STAU2: variants seen among roughly 807,000 people sequenced by gnomAD.
The protein encoded by STAU2 is staufen double-stranded RNA binding protein 2, also known as double-stranded RNA-binding protein Staufen homolog 2.
In STAU2, 20 loss-of-function variants were observed where a neutral mutation model predicts 65.9. The ratio of observed to expected loss-of-function variants is 0.30; its 90% confidence interval spans 0.21 to 0.44. The LOEUF (loss-of-function observed/expected upper bound fraction) is 0.44, where lower values mean the gene tolerates loss of function less well. Ranked by LOEUF, STAU2 falls within the 20% of genes least tolerant of loss-of-function variation. STAU2 has a pLI of 1.00. For synonymous variants in STAU2, 232 were observed against 233.9 expected (o/e 0.99, Z 0.07); for missense variants, 558 against 683.9 (o/e 0.82, Z 2.05).
At chr8:73,571,164 G>A (rs1269681435) in intron 12 of STAU2, among the ~76,000 whole-genome samples, 4 of 152,062 alleles carry the variant, frequency 2.6e-5, no homozygotes, top group African/African-American at 9.7e-5. Flanking sequence ...ATTACATAAT[G>A]GTAAAGGGAT....
intron 12 of STAU2, among the ~76,000 whole-genome samples, chr8:73,557,268 A>G (rs986307447): frequency 6.6e-6 from 1 of 152,198 alleles, no homozygotes; most frequent in East Asian, 1.9e-4. Context: ...CTTCACAAAT[A>G]AAGATTACTT....
At chr8:73,591,892 A>AAAC (rs1306354588) in intron 11 of STAU2, among the ~76,000 whole-genome samples, 1 of 125,674 alleles carries the variant, frequency 8.0e-6, no homozygotes, top group East Asian at 2.0e-4. Flanking sequence ...TAAAAAAAAA[A>AAAC]AAAAAAAAAA....
chr8:73,600,623 T>G lies in STAU2; in HGVS notation c.1029+3103A>C, dbSNP rs181213666. ...AGTCCCTATGTTGCTGCTGGAATCC[T>G]TGCTGGTGAAAAGATTAGGCCAGTT... On this transcript the variant is annotated intron_variant, in intron 10 of 14. Coordinates refer to ENST00000524300, the MANE Select transcript of STAU2 (RefSeq NM_001164380.2). 2.8e-3 allele frequency among the ~76,000 whole-genome samples: 424 copies of G among 152,352 alleles called. 2 individuals carry two copies. The highest frequency in any genetic ancestry group is 0.014 in the Middle Eastern group (4 of 294).
intron 6 of STAU2, among the ~76,000 whole-genome samples, chr8:73,665,910 A>G (rs1039317408): frequency 5.3e-5 from 8 of 152,218 alleles, no homozygotes; most frequent in Non-Finnish European, 8.8e-5. Flanking sequence ...TCTCTAGATT[A>G]CTTATAATAT....
intron 3 of STAU2, among the ~76,000 whole-genome samples, chr8:73,726,458 TATA>T (rs1563532185): frequency 2.0e-5 from 3 of 152,170 alleles, no homozygotes; most frequent in African/African-American, 4.8e-5. Context: ...CATTATTTCT[TATA>T]ATATTTTCTG....
rs1264333175 is a variant in STAU2 at position 73,655,718 on chromosome 8, G to A, written c.410+17389C>T. ...GGCTGGAGTGCAGTGGCGCGATCTC[G>A]GCTCACTGCAAGCTCCACCTCCTGG... On this transcript the variant is annotated intron_variant, in intron 6 of 14. Transcript: ENST00000524300. Among the ~76,000 whole-genome samples, 13 of 138,202 alleles carry A rather than the reference G, an allele frequency of 9.4e-5. 1 individual carries two copies. The highest frequency in any genetic ancestry group is 2.4e-4 in the Admixed American group (3 of 12,366). The allele number at this position is 138,202 out of a possible 152,430, so 90.7% of individuals were successfully genotyped here.
chr8:73,428,079 T>C (rs1816960139), intron 13 of STAU2, among the ~76,000 whole-genome samples: 1 of 152,228 alleles, frequency 6.6e-6, no homozygotes, highest in African/African-American at 2.4e-5. Context: ...ATCAAACTTA[T>C]CCTTTTTATC....
chr8:73,595,182 T>TCTTACCTTCTCAA lies in STAU2; in HGVS notation c.1144_1145insTTGAGAAGGTAAG (p.Gln382LeufsTer9). 6.2e-7 allele frequency: 1 copy of TCTTACCTTCTCAA among 1,605,184 alleles called. No homozygotes were observed. On this transcript the variant is annotated frameshift_variant, in exon 11 of 15. Coordinates refer to ENST00000524300, the MANE Select transcript of STAU2 (RefSeq NM_001164380.2). LOFTEE classifies it high-confidence loss of function. ...AACTCTTACCTTCTCAAGTTGATCC[T>TCTTACCTTCTCAA]GAAGATTAGTGGATGCTTTATAACC... is the stretch of plus-strand genomic sequence containing the variant.
chr8:73,421,874 T>C (rs953596235), intron 14 of STAU2, among the ~76,000 whole-genome samples: 9 of 152,214 alleles, frequency 5.9e-5, no homozygotes, highest in Admixed American at 2.6e-4. Flanking sequence ...TGTTATCTCC[T>C]GCATGTGTTC....
intron 6 of STAU2, among the ~76,000 whole-genome samples, chr8:73,655,366 T>A (rs2130272126): frequency 6.6e-6 from 1 of 152,292 alleles, no homozygotes; most frequent in Middle Eastern, 3.4e-3. Flanking sequence ...AAAAAATACA[T>A]AAATTCTGTT....
At chr8:73,432,068 C>T (rs577137311) in intron 13 of STAU2, among the ~76,000 whole-genome samples, 3 of 151,748 alleles carry the variant, frequency 2.0e-5, no homozygotes, top group East Asian at 1.9e-4. Context: ...TCCCCACTGA[C>T]GTCATATTCT....
At chr8:73,471,711 G>C (rs1170266509) in intron 13 of STAU2, among the ~76,000 whole-genome samples, 1 of 151,366 alleles carries the variant, frequency 6.6e-6, no homozygotes, top group African/African-American at 2.4e-5. Flanking sequence ...CTAGCTACTT[G>C]GGAGGCTGAG....
At chr8:73,549,022 A>G (rs1807135590) in intron 13 of STAU2, among the ~76,000 whole-genome samples, 1 of 152,246 alleles carries the variant, frequency 6.6e-6, no homozygotes, top group South Asian at 2.1e-4. Context: ...ACTTCAGCTC[A>G]AATGCACAGC....
chr8:73,634,813 G>T (rs543846422), intron 6 of STAU2, among the ~76,000 whole-genome samples: 1 of 152,040 alleles, frequency 6.6e-6, no homozygotes, highest in Non-Finnish European at 1.5e-5. Context: ...TAAAGTCTTC[G>T]CTCAAATCTC....
intron 6 of STAU2, among the ~76,000 whole-genome samples, chr8:73,668,067 C>G (rs1817364382): frequency 2.0e-5 from 3 of 152,078 alleles, no homozygotes; most frequent in Admixed American, 6.6e-5. Flanking sequence ...GTCCCTACCC[C>G]CAACCAAGTT....
At chr8:73,642,418 G>A (rs1315303134) in intron 6 of STAU2, among the ~76,000 whole-genome samples, 1 of 152,076 alleles carries the variant, frequency 6.6e-6, no homozygotes, top group Non-Finnish European at 1.5e-5. Flanking sequence ...AGCTACTCAC[G>A]AGGCTGAGGT....
rs1311757886 is a variant in STAU2 at position 73,427,155 on chromosome 8, C to T, written c.1531-4453G>A. On this transcript the variant is annotated intron_variant, in intron 13 of 14. Transcript: ENST00000524300. The stretch of plus-strand genomic sequence containing the variant: ...GTTGGTCAGGCTGGTCTCGAACTCC[C>T]GACCTCAGGTGACCCGCCTGCCTCA... 2.6e-5 allele frequency among the ~76,000 whole-genome samples: 4 copies of T among 151,878 alleles called. 1 individual carries two copies. Among genetic ancestry groups the T allele is most frequent in the Non-Finnish European group, 5.9e-5 (4 of 67,960 alleles).
intron 6 of STAU2, among the ~76,000 whole-genome samples, chr8:73,658,032 G>A (rs558331056): frequency 1.1e-4 from 17 of 151,138 alleles, no homozygotes; most frequent in African/African-American, 4.1e-4. Context: ...ATATTTAAAA[G>A]GCACAATAGT....
At chr8:73,652,304 C>A (rs184052439) in intron 6 of STAU2, 1 of 152,060 alleles carries the variant, frequency 6.6e-6, no homozygotes, top group South Asian at 2.1e-4. Context: ...TTTAGACACA[C>A]AAATAAGAAG....
Sources: allele counts gnomAD v4.1 joint callset (sites outside exome capture counted in the v4.1 genomes callset), GRCh38; gene constraint gnomAD v4.1.1; transcripts MANE v1.5; gene names NCBI Gene and HGNC (gene_info 2026-07-23, HGNC 2026-07-21).